Variants in TASP1 observed in about 807,000 individuals in gnomAD.
The protein encoded by TASP1 is taspase 1.
TASP1 carries 16 observed loss-of-function variants against 56.6 expected under a neutral mutation model. That is an observed-to-expected ratio of 0.28 (90% confidence interval 0.19 to 0.43). The LOEUF (loss-of-function observed/expected upper bound fraction) is 0.43. TASP1 is among the 20% of genes least tolerant of loss of function. The probability of loss-of-function intolerance (pLI) is 1.00; values close to 1 mark genes in which losing one functional copy is unlikely to be tolerated. For missense variants in TASP1, 393 were observed against 511.6 expected (o/e 0.77, Z 2.24); for synonymous variants, 179 against 184.2 (o/e 0.97, Z 0.23).
intron 12 of TASP1, among the ~76,000 whole-genome samples, chr20:13,425,264 A>C (rs2096830584): frequency 6.6e-6 from 1 of 152,180 alleles, no homozygotes; most frequent in African/African-American, 2.4e-5. Context: ...AAAGAGCTAC[A>C]AGCTACCTCT....
chr20:13,615,503 T>TG (rs1491498629), intron 4 of TASP1, among the ~76,000 whole-genome samples: 1 of 126,482 alleles, frequency 7.9e-6, no homozygotes, highest in Non-Finnish European at 1.8e-5. Context: ...GAGAATCTGG[T>TG]TTTTTTTTTT....
the TASP1 span, chr20:13,299,559 G>A: frequency 1.0e-5 from 11 of 1,087,502 alleles, no homozygotes; most frequent in African/African-American, 9.4e-5. This position sits in a 1 kb window ranked among gnomAD's most constrained non-coding sequence, Gnocchi z 5.8. Flanking sequence ...AGCTGCGGTC[G>A]TGTATATTTG....
chr20:13,150,373 T>TAC, the TASP1 span, among the ~76,000 whole-genome samples: 2 of 152,202 alleles, frequency 1.3e-5, no homozygotes, highest in African/African-American at 4.8e-5. Flanking sequence ...CATATATATA[T>TAC]ACACAGATGT....
the TASP1 span, among the ~76,000 whole-genome samples, chr20:13,176,392 C>A: frequency 2.6e-5 from 4 of 152,000 alleles, no homozygotes; most frequent in Non-Finnish European, 5.9e-5. Flanking sequence ...GTTTCCATAC[C>A]TAATTTATTA....
chr20:13,565,296 A>G (rs1169665339), intron 7 of TASP1, among the ~76,000 whole-genome samples: 2 of 152,116 alleles, frequency 1.3e-5, no homozygotes, highest in Non-Finnish European at 2.9e-5. Context: ...TCTCTTAGAA[A>G]ACAACATAGG....
At chr20:13,401,409 A>T (rs116650644) in intron 13 of TASP1, among the ~76,000 whole-genome samples, 1 of 152,172 alleles carries the variant, frequency 6.6e-6, no homozygotes. Flanking sequence ...GTCACTCATT[A>T]AAGAGCTGTC....
chr20:13,514,169 C>T (rs2044438391), intron 10 of TASP1, among the ~76,000 whole-genome samples: 1 of 152,096 alleles, frequency 6.6e-6, no homozygotes, highest in African/African-American at 2.4e-5. Context: ...TCTGAGAACA[C>T]ATCACTACAT....
the TASP1 span, among the ~76,000 whole-genome samples, chr20:13,241,797 A>T: frequency 6.6e-6 from 1 of 152,136 alleles, no homozygotes; most frequent in East Asian, 1.9e-4. Context: ...AAATAAAGCA[A>T]GTTTGTCAAG....
chr20:13,590,101 G>A (rs924366605), intron 4 of TASP1, among the ~76,000 whole-genome samples: 2 of 152,026 alleles, frequency 1.3e-5, no homozygotes, highest in Non-Finnish European at 2.9e-5. Flanking sequence ...ACATGGTGGT[G>A]GTCATCTGTA....
At chr20:13,212,913 T>C in the TASP1 span, among the ~76,000 whole-genome samples, 1 of 152,218 alleles carries the variant, frequency 6.6e-6, no homozygotes, top group South Asian at 2.1e-4. Context: ...AATGAGGCAC[T>C]ACACCCTGAG....
the TASP1 span, among the ~76,000 whole-genome samples, chr20:13,282,863 A>G: frequency 7.6e-4 from 116 of 152,252 alleles, no homozygotes; most frequent in African/African-American, 2.6e-3. Context: ...TAGCCCTCCG[A>G]CCACACTTTG....
intron 12 of TASP1, among the ~76,000 whole-genome samples, chr20:13,433,552 G>T: frequency 6.9e-6 from 1 of 144,980 alleles, no homozygotes; most frequent in East Asian, 1.9e-4. Flanking sequence ...TACAGCTGGT[G>T]GTTAGTGTCC....
the TASP1 span, among the ~76,000 whole-genome samples, chr20:13,249,793 T>C: frequency 1.3e-5 from 1 of 75,034 alleles, no homozygotes; most frequent in East Asian, 3.6e-4. Context: ...TTGTTTTGTT[T>C]TGTTTTGTTT....
chr20:13,292,839 C>A, the TASP1 span, among the ~76,000 whole-genome samples: 1 of 152,132 alleles, frequency 6.6e-6, no homozygotes, highest in Non-Finnish European at 1.5e-5. Context: ...AGTTCTCCAG[C>A]AGAGGGAGGG....
Position 13,435,077 on chromosome 20 carries a change from G to T in TASP1, c.1063C>A (p.Pro355Thr), listed in dbSNP as rs1406192422. 3 of 1,611,138 alleles carry T rather than the reference G, an allele frequency of 1.9e-6. No homozygotes were observed. The highest frequency in any genetic ancestry group is 1.1e-5 in the South Asian group (1 of 90,438). ...VLRSCRCSAE[P>T]DSSQNKQTLL... ...GTCTGCTTATTTTGGGAGGAGTCAG[G>T]CTCGGCAGAACATCTGCATGAACGG... The change falls in exon 12 of 14, where the codon CCT becomes ACT. Residue 355 changes from proline to threonine, a missense_variant. Transcript: ENST00000337743.
the TASP1 span, among the ~76,000 whole-genome samples, chr20:13,339,383 G>A: frequency 1.3e-5 from 2 of 152,152 alleles, no homozygotes; most frequent in Middle Eastern, 3.2e-3. Flanking sequence ...CAGCTAATCT[G>A]TAACATGTTG....
At chr20:13,146,433 T>TA in the TASP1 span, among the ~76,000 whole-genome samples, 49 of 152,010 alleles carry the variant, frequency 3.2e-4, no homozygotes, top group African/African-American at 7.2e-4. Context: ...AAATTAAAAT[T>TA]AAAAAAAAGA....
intron 10 of TASP1, among the ~76,000 whole-genome samples, chr20:13,508,067 C>G (rs1386903053): frequency 6.6e-6 from 1 of 152,014 alleles, no homozygotes; most frequent in African/African-American, 2.4e-5. Flanking sequence ...ACACAAAAAC[C>G]AACTCAAAAT....
At chr20:13,310,252 A>G in the TASP1 span, among the ~76,000 whole-genome samples, 1 of 152,240 alleles carries the variant, frequency 6.6e-6, no homozygotes, top group Non-Finnish European at 1.5e-5. Flanking sequence ...AGCAGAATAG[A>G]GAGCTCCAAA....
Sources: gnomAD v4.1 joint callset for allele counts (sites outside exome capture counted in the v4.1 genomes callset) on GRCh38, gnomAD v4.1.1 for gene constraint, Gnocchi (gnomAD v3.1) non-coding constraint, MANE v1.5 for transcripts, NCBI Gene and HGNC (gene_info 2026-07-23, HGNC 2026-07-21) for gene names.